The following JAKMIP2 variants were observed in gnomAD, a reference collection of about 807,000 sequenced individuals.
The protein encoded by JAKMIP2 is janus kinase and microtubule-interacting protein 2.
In JAKMIP2, 25 loss-of-function variants were observed where a neutral mutation model predicts 115.0. The observed-to-expected ratio is 0.22, with a 90% confidence interval of 0.16 to 0.30. The LOEUF (loss-of-function observed/expected upper bound fraction) is 0.30. JAKMIP2 is among the 10% of genes least tolerant of loss of function. The pLI, the probability that JAKMIP2 is intolerant of heterozygous loss-of-function variation, is 1.00. For missense variants in JAKMIP2, 642 were observed against 957.6 expected, an observed-to-expected ratio of 0.67 and a Z score of 4.35; for synonymous variants, 334 against 343.6, an observed-to-expected ratio of 0.97 and a Z score of 0.31.
intron 10 of JAKMIP2, among the ~76,000 whole-genome samples, chr5:147,639,156 A>C (rs547241625): frequency 2.1e-4 from 32 of 152,326 alleles, no homozygotes; most frequent in African/African-American, 7.7e-4. Flanking sequence ...TCTGAGTGTC[A>C]AATTTCTCTT....
intron 16 of JAKMIP2, among the ~76,000 whole-genome samples, chr5:147,627,958 G>A (rs1431089996): frequency 3.3e-5 from 5 of 149,568 alleles, no homozygotes; most frequent in East Asian, 2.0e-4. Flanking sequence ...CTGATTGCTT[G>A]CTCTCATTTT....
chr5:147,724,606 C>A (rs1046799041), intron 1 of JAKMIP2, among the ~76,000 whole-genome samples: 1 of 152,114 alleles, frequency 6.6e-6, no homozygotes, highest in African/African-American at 2.4e-5. Flanking sequence ...CTCACTAAAT[C>A]CCTTGAGTTA....
chr5:147,593,014 G>A (rs1384139192), intron 21 of JAKMIP2, among the ~76,000 whole-genome samples: 8 of 152,196 alleles, frequency 5.3e-5, no homozygotes, highest in Non-Finnish European at 1.0e-4. Flanking sequence ...GAGGAGGTAC[G>A]AAGAGGCGTA....
At chr5:147,679,767 A>C (rs1377963824) in intron 1 of JAKMIP2, among the ~76,000 whole-genome samples, 2 of 152,240 alleles carry the variant, frequency 1.3e-5, no homozygotes, top group Non-Finnish European at 2.9e-5. Flanking sequence ...GCAGAGCTGC[A>C]ACTCAAATAC....
At chr5:147,650,229 G>T in intron 4 of JAKMIP2, 109 bp downstream of exon 4, 1 of 720,036 alleles carries the variant, frequency 1.4e-6, no homozygotes, top group Non-Finnish European at 2.4e-6. Context: ...GTAGAAGGTA[G>T]ATTGATTTCT....
At position 147,684,026 on chromosome 5, in the gene JAKMIP2, C is replaced by T. The variant is rs370832592; in HGVS notation, c.-148-12072G>A. Among the ~76,000 whole-genome samples, 215 of 152,088 alleles carry T rather than the reference C, an allele frequency of 1.4e-3. 5 individuals are homozygous for T. The highest frequency in any genetic ancestry group is 5.0e-3 in the African/African-American group (209 of 41,486). The stretch of plus-strand genomic sequence containing the variant: ...GAGCAATACAGATCTGTTTTTAACA[C>T]TGAGGATTCTTTTTTGAGTTTTGTC... On this transcript the variant is annotated intron_variant, in intron 1 of 21. Transcript: ENST00000616793.
intron 12 of JAKMIP2, among the ~76,000 whole-genome samples, chr5:147,633,484 T>C (rs1757464348): frequency 6.6e-6 from 1 of 152,176 alleles, no homozygotes; most frequent in South Asian, 2.1e-4. Flanking sequence ...ACCTTAAAGC[T>C]AAGCTCTTAA....
In JAKMIP2 at chr5:147,661,214, G is replaced by A; in HGVS notation, c.361C>T (p.Leu121Phe). The A allele has an allele frequency of 6.2e-7, 1 of 1,613,952 alleles. No individual in the cohort carries two copies. The highest frequency in any genetic ancestry group is 8.5e-7 in the Non-Finnish European group (1 of 1,180,016). The change falls in exon 3 of 22, where the codon CTC becomes TTC. Residue 121 changes from leucine (L) to phenylalanine (F), a missense_variant. Physicochemically the swap from Leu to Phe is conservative, Grantham distance 22. Around this residue, in one of 6 missense-constraint regions of JAKMIP2, gnomAD observed 439 missense variants for 570.9 expected, o/e 0.77. Coordinates refer to ENST00000616793, the MANE Select transcript of JAKMIP2 (RefSeq NM_001270941.2). Reference sequence around the variant, plus strand: ...ACTTTGTCACTGCTGCCGTCGCGGAGAGCACAGAGAGCAGACTTGAGCCTC... The same window carrying A: ...ACTTTGTCACTGCTGCCGTCGCGGAAAGCACAGAGAGCAGACTTGAGCCTC... ...IQRLKSALCALRDGSSDKVRT... is the reference protein window; with the variant it reads ...IQRLKSALCAFRDGSSDKVRT...
At chr5:147,750,035 T>A (rs1754491296) in intron 1 of JAKMIP2, among the ~76,000 whole-genome samples, 1 of 152,228 alleles carries the variant, frequency 6.6e-6, no homozygotes, top group Non-Finnish European at 1.5e-5. Flanking sequence ...TCATGACTCA[T>A]ACATGGTTAG....
At chr5:147,721,390 C>G (rs188476680) in intron 1 of JAKMIP2, among the ~76,000 whole-genome samples, 2,091 of 152,342 alleles carry the variant, frequency 0.014, 21 homozygotes, top group African/African-American at 0.022. Context: ...GTTGGAGCTT[C>G]GAGGCTGCTT....
chr5:147,640,049 T>C (rs1757808557), intron 9 of JAKMIP2, among the ~76,000 whole-genome samples: 1 of 152,172 alleles, frequency 6.6e-6, no homozygotes, highest in South Asian at 2.1e-4. Flanking sequence ...CAATTTTGGA[T>C]CCAAATAAGA....
At chr5:147,627,690 A>C (rs982578142) in intron 16 of JAKMIP2, among the ~76,000 whole-genome samples, 2 of 150,270 alleles carry the variant, frequency 1.3e-5, no homozygotes, top group African/African-American at 4.9e-5. Context: ...AAAAAAAAAA[A>C]AAAAAAAAAA....
chr5:147,711,867 C>A (rs1017707353), intron 1 of JAKMIP2, among the ~76,000 whole-genome samples: 5 of 152,166 alleles, frequency 3.3e-5, no homozygotes, highest in African/African-American at 1.2e-4. Context: ...AGGGTTTTGC[C>A]ATGCTGGCCA....
chr5:147,731,359 G>T (rs952486298), intron 1 of JAKMIP2, among the ~76,000 whole-genome samples: 2 of 152,304 alleles, frequency 1.3e-5, no homozygotes, highest in Admixed American at 6.5e-5. Flanking sequence ...TACACCTGCT[G>T]TCCTGGTACG....
intron 1 of JAKMIP2, among the ~76,000 whole-genome samples, chr5:147,732,092 A>G (rs576656068): frequency 6.6e-6 from 1 of 152,316 alleles, no homozygotes; most frequent in Admixed American, 6.5e-5. Flanking sequence ...GGTAAATTCT[A>G]ATCTGCATGG....
At position 147,774,938 on chromosome 5, in the gene JAKMIP2, C is replaced by A. The variant is rs560073620; in HGVS notation, c.-149+7518G>T. On this transcript the variant is annotated intron_variant, in intron 1 of 21. Transcript: ENST00000616793. ...AAATTTCCCTTCTTGAAAATAATAC[C>A]GAGTGGTTTTCTGGCCACATAGTGT... 3.3e-5 allele frequency among the ~76,000 whole-genome samples: 5 copies of A among 152,078 alleles called. No homozygotes were observed. In the South Asian group the frequency reaches 1.0e-3, roughly 32 times the overall value.
intron 1 of JAKMIP2, among the ~76,000 whole-genome samples, chr5:147,704,617 A>G (rs574927876): frequency 2.6e-5 from 4 of 152,276 alleles, no homozygotes; most frequent in Admixed American, 6.5e-5. Context: ...CTCTCCCAGA[A>G]GATTAAATTA....
At chr5:147,691,662 A>G (rs1751866169) in intron 1 of JAKMIP2, among the ~76,000 whole-genome samples, 1 of 152,104 alleles carries the variant, frequency 6.6e-6, no homozygotes, top group South Asian at 2.1e-4. Flanking sequence ...TACCACATAG[A>G]CTTTCTCTCC....
intron 2 of JAKMIP2, among the ~76,000 whole-genome samples, chr5:147,666,139 G>A (rs1158932712): frequency 6.6e-6 from 1 of 152,086 alleles, no homozygotes; most frequent in Non-Finnish European, 1.5e-5. Flanking sequence ...AGGATTTCTA[G>A]TTATGGCTTC....
Sources: allele counts gnomAD v4.1 joint callset (sites outside exome capture counted in the v4.1 genomes callset), GRCh38; gene constraint gnomAD v4.1.1; regional missense constraint gnomAD v4.1.1; transcripts MANE v1.5; gene names NCBI Gene and HGNC (gene_info 2026-07-23, HGNC 2026-07-21).